RANBP2: variants seen among roughly 807,000 people sequenced by gnomAD.
RANBP2 encodes E3 SUMO-protein ligase RanBP2.
Under a neutral mutation model 303.6 loss-of-function variants are expected in RANBP2, and 57 were observed. The ratio of observed to expected loss-of-function variants is 0.19; its 90% CI spans 0.15 to 0.23. The LOEUF (loss-of-function observed/expected upper bound fraction) is 0.23. Ranked by LOEUF, RANBP2 falls within the 10% of genes least tolerant of loss-of-function variation. The probability of loss-of-function intolerance (pLI) is 1.00; values close to 1 mark genes in which losing one functional copy is unlikely to be tolerated. For missense variants in RANBP2, 3,138 were observed against 3,780.8 expected (o/e 0.83, Z 4.46); for synonymous variants, 1,167 against 1,301.5 (o/e 0.90, Z 2.23).
the RANBP2 span, among the ~76,000 whole-genome samples, chr2:108,862,377 G>T: frequency 6.6e-6 from 1 of 152,118 alleles, no homozygotes; most frequent in African/African-American, 2.4e-5. Context: ...ATCTTCACAG[G>T]CTGGGAGGTA....
At chr2:109,212,440 C>G in the RANBP2 span, among the ~76,000 whole-genome samples, 1 of 152,166 alleles carries the variant, frequency 6.6e-6, no homozygotes, top group East Asian at 1.9e-4. Flanking sequence ...AAAAACAATA[C>G]AAAAGTCTCA....
the RANBP2 span, among the ~76,000 whole-genome samples, chr2:109,052,499 G>A: frequency 4.6e-3 from 700 of 152,214 alleles, 8 homozygotes; most frequent in African/African-American, 0.016. Flanking sequence ...TCTGATTTTC[G>A]AAAGCAGCAA....
At chr2:109,474,963 G>T in the RANBP2 span, among the ~76,000 whole-genome samples, 56 of 151,340 alleles carry the variant, frequency 3.7e-4, no homozygotes, top group Middle Eastern at 6.8e-3. Context: ...GTTTTGTTTG[G>T]GTTTTTTTTG....
At chr2:109,077,725 T>C in the RANBP2 span, among the ~76,000 whole-genome samples, 1 of 150,030 alleles carries the variant, frequency 6.7e-6, no homozygotes, top group African/African-American at 2.4e-5. Context: ...AACATCACTA[T>C]CATCAGGGAA....
At chr2:109,284,179 GT>G in the RANBP2 span, among the ~76,000 whole-genome samples, 1 of 152,184 alleles carries the variant, frequency 6.6e-6, no homozygotes, top group East Asian at 1.9e-4. Flanking sequence ...GGGGAAGGGG[GT>G]TGGGGCCTGC....
At chr2:109,226,836 C>T in the RANBP2 span, among the ~76,000 whole-genome samples, 1 of 152,148 alleles carries the variant, frequency 6.6e-6, no homozygotes, top group Non-Finnish European at 1.5e-5. Flanking sequence ...GAACCAGGAC[C>T]CCTACAGCTG....
chr2:109,677,296 C>A, the RANBP2 span, among the ~76,000 whole-genome samples: 7 of 152,158 alleles, frequency 4.6e-5, no homozygotes, highest in Non-Finnish European at 5.9e-5. Context: ...CCCAGCTTCT[C>A]AGACTGGAGT....
At chr2:108,733,857 T>C (rs907104749) in intron 4 of RANBP2, among the ~76,000 whole-genome samples, 1 of 151,790 alleles carries the variant, frequency 6.6e-6, no homozygotes, top group Non-Finnish European at 1.5e-5. Context: ...ATTTTTTTTT[T>C]TTGGAATTGA....
chr2:109,253,413 A>T, the RANBP2 span, among the ~76,000 whole-genome samples: 2 of 152,130 alleles, frequency 1.3e-5, no homozygotes, highest in African/African-American at 2.4e-5. Context: ...GGCTGTGTCC[A>T]TGTGGTTTCA....
At chr2:109,711,147 C>T in the RANBP2 span, among the ~76,000 whole-genome samples, 1 of 152,188 alleles carries the variant, frequency 6.6e-6, no homozygotes, top group Admixed American at 6.5e-5. Context: ...GGCAGCGCAA[C>T]CTTGACATGG....
the RANBP2 span, among the ~76,000 whole-genome samples, chr2:109,549,369 G>A: frequency 6.6e-6 from 1 of 152,126 alleles, no homozygotes; most frequent in Non-Finnish European, 1.5e-5. Context: ...CATTCATGAG[G>A]TTGACTAAAA....
the RANBP2 span, among the ~76,000 whole-genome samples, chr2:109,121,556 C>T: frequency 2.6e-5 from 4 of 152,204 alleles, no homozygotes; most frequent in Admixed American, 6.5e-5. Flanking sequence ...AGCACTAAAT[C>T]ACATCTGTAA....
At chr2:109,068,864 T>C in the RANBP2 span, among the ~76,000 whole-genome samples, 1 of 152,214 alleles carries the variant, frequency 6.6e-6, no homozygotes, top group Admixed American at 6.5e-5. Flanking sequence ...CTAAATACCT[T>C]CCAGCTATTG....
chr2:108,853,535 T>G, the RANBP2 span, among the ~76,000 whole-genome samples: 20 of 151,508 alleles, frequency 1.3e-4, no homozygotes, highest in African/African-American at 4.8e-4. Flanking sequence ...TTTCTTTTTT[T>G]TTTTTTTGAG....
chr2:109,267,289 G>T, the RANBP2 span, among the ~76,000 whole-genome samples: 641 of 152,256 alleles, frequency 4.2e-3, 6 homozygotes, highest in South Asian at 8.1e-3. Context: ...GTCTGTGGGA[G>T]GTCATGGCTG....
At chr2:108,721,578 CCACAGGTGTACCCACCA>C (rs1190690690) in intron 1 of RANBP2, among the ~76,000 whole-genome samples, 3 of 152,042 alleles carry the variant, frequency 2.0e-5, no homozygotes, top group Non-Finnish European at 4.4e-5. Context: ...GTAGTTGGGA[CCACAGGTGTACCCACCA>C]CACCCGCTGT....
chr2:109,165,456 G>A, the RANBP2 span, among the ~76,000 whole-genome samples: 1 of 152,192 alleles, frequency 6.6e-6, no homozygotes, highest in Non-Finnish European at 1.5e-5. Flanking sequence ...AAGTTTGGAT[G>A]GAAGGGGAAT....
chr2:109,123,323 C>CTTCT, the RANBP2 span, among the ~76,000 whole-genome samples: 1 of 13,656 alleles, frequency 7.3e-5, no homozygotes, highest in African/African-American at 1.2e-4. Flanking sequence ...TCTTTCTTTC[C>CTTCT]TTCCTTCCTT....
At chr2:109,279,303 G>A in the RANBP2 span, among the ~76,000 whole-genome samples, 4 of 152,210 alleles carry the variant, frequency 2.6e-5, no homozygotes, top group Non-Finnish European at 1.5e-5. Context: ...GCTGCAAAGG[G>A]ATTGCAGTGG....
Sources: allele counts gnomAD v4.1 joint callset (sites outside exome capture counted in the v4.1 genomes callset), GRCh38; gene constraint gnomAD v4.1.1; transcripts MANE v1.5; gene names NCBI Gene and HGNC (gene_info 2026-07-23, HGNC 2026-07-21).